IL1RAPL2: variants seen among roughly 807,000 people sequenced by gnomAD.
The protein encoded by IL1RAPL2 is interleukin 1 receptor accessory protein like 2, also known as X-linked interleukin-1 receptor accessory protein-like 2.
Under a neutral mutation model 44.1 loss-of-function variants are expected in IL1RAPL2, and 3 were observed. That is an observed-to-expected ratio of 0.07 (90% confidence interval 0.03 to 0.18). The LOEUF is 0.18. Ranked by LOEUF, IL1RAPL2 falls within the 10% of genes least tolerant of loss-of-function variation. The pLI is 1.00. For missense variants in IL1RAPL2, 391 were observed against 496.4 expected, an observed-to-expected ratio of 0.79 and a Z score of 2.02; for synonymous variants, 181 against 178.8, an observed-to-expected ratio of 1.01 and a Z score of -0.10.
At chrX:104,684,867 A>G (rs1251453112) in intron 2 of IL1RAPL2, among the ~76,000 whole-genome samples, 1 of 112,410 alleles carries the variant, frequency 8.9e-6, no homozygotes, top group African/African-American at 3.2e-5. Flanking sequence ...GATTTGCCCA[A>G]AAAGCTGTGG....
chrX:105,054,304 C>T (rs1469142929), intron 2 of IL1RAPL2, among the ~76,000 whole-genome samples: 1 of 111,487 alleles, frequency 9.0e-6, no homozygotes, highest in Non-Finnish European at 1.9e-5. Context: ...GATAGTGGCC[C>T]TAGCAAGGAT....
intron 5 of IL1RAPL2, among the ~76,000 whole-genome samples, chrX:105,461,955 T>C (rs2036095885): frequency 1.8e-5 from 2 of 111,226 alleles, no homozygotes; most frequent in Non-Finnish European, 3.8e-5. Context: ...TGAAGCACTA[T>C]GTATCTTGTT....
At chrX:104,819,554 AT>A (rs1180628448) in intron 2 of IL1RAPL2, among the ~76,000 whole-genome samples, 1 of 111,858 alleles carries the variant, frequency 8.9e-6, no homozygotes, top group Non-Finnish European at 1.9e-5. Flanking sequence ...AGGTACTTTT[AT>A]TTTAGCAACT....
intron 2 of IL1RAPL2, among the ~76,000 whole-genome samples, chrX:104,672,890 G>T (rs1215185062): frequency 8.9e-6 from 1 of 111,979 alleles, no homozygotes; most frequent in Non-Finnish European, 1.9e-5. Flanking sequence ...CTGCATAAAT[G>T]TCTTCTTTTG....
At chrX:104,695,996 C>CG (rs752209172) in intron 2 of IL1RAPL2, among the ~76,000 whole-genome samples, 9 of 110,868 alleles carry the variant, frequency 8.1e-5, no homozygotes, top group Non-Finnish European at 1.5e-4. Flanking sequence ...TTAGTAGAGA[C>CG]GGGGTTTCAC....
chrX:104,888,884 A>G (rs761984816), intron 2 of IL1RAPL2, among the ~76,000 whole-genome samples: 1 of 111,490 alleles, frequency 9.0e-6, no homozygotes, highest in Admixed American at 9.6e-5. Flanking sequence ...ACATTCTTAC[A>G]TTTCCCACCT....
chrX:105,080,172 C>G (rs563209012), intron 2 of IL1RAPL2, among the ~76,000 whole-genome samples: 16 of 112,014 alleles, frequency 1.4e-4, no homozygotes, highest in African/African-American at 4.2e-4. Flanking sequence ...TGTAGGTTGC[C>G]TGTTCACTCT....
rs922765535 is a variant in IL1RAPL2, at chrX:104,659,012, T to G, written c.82+17T>G. The G allele has an allele frequency of 8.9e-7, 1 of 1,128,363 alleles. No individual in the cohort carries two copies. Among genetic ancestry groups the G allele is most frequent in the Admixed American group, 2.2e-5 (1 of 44,513 alleles). The allele number at this position is 1,128,363 out of a possible 1,213,427, so 93.0% of individuals were successfully genotyped here. Reference sequence around the variant, plus strand: ...GAAATTCTGGTAAGTTGCTGGCAACTTGCCACTATTTGGTCAAAAATGTAC... The same window carrying G: ...GAAATTCTGGTAAGTTGCTGGCAACGTGCCACTATTTGGTCAAAAATGTAC... On this transcript the variant is annotated intron_variant, in intron 2 of 10. Transcript: ENST00000372582.
intron 5 of IL1RAPL2, among the ~76,000 whole-genome samples, chrX:105,343,468 A>G (rs1884871650): frequency 8.9e-6 from 1 of 111,919 alleles, no homozygotes; most frequent in Non-Finnish European, 1.9e-5. Context: ...TTAAAACTTA[A>G]TATTATATCA....
chrX:105,664,877 A>G (rs750090034), intron 6 of IL1RAPL2, among the ~76,000 whole-genome samples: 118 of 112,056 alleles, frequency 1.1e-3, no homozygotes, highest in African/African-American at 3.6e-3. Flanking sequence ...GCCCAAAACA[A>G]TAAACTCCTG....
intron 2 of IL1RAPL2, among the ~76,000 whole-genome samples, chrX:104,678,250 A>G (rs1009811371): frequency 8.9e-6 from 1 of 112,634 alleles, no homozygotes; most frequent in Non-Finnish European, 1.9e-5. Flanking sequence ...GTGGGATCCC[A>G]TATTTAAACT....
chrX:105,686,737 C>G (rs1331901704), intron 6 of IL1RAPL2, among the ~76,000 whole-genome samples: 1 of 111,799 alleles, frequency 8.9e-6, no homozygotes, highest in African/African-American at 3.3e-5. Flanking sequence ...TAGACATCTA[C>G]AGAACTCTCC....
intron 5 of IL1RAPL2, among the ~76,000 whole-genome samples, chrX:105,358,254 T>G (rs1157280105): frequency 1.8e-5 from 2 of 109,841 alleles, no homozygotes; most frequent in African/African-American, 3.3e-5. Context: ...ACCTTATATG[T>G]TTTTTTTCCT....
intron 2 of IL1RAPL2, among the ~76,000 whole-genome samples, chrX:104,883,777 G>T (rs1052292239): frequency 2.7e-5 from 3 of 111,482 alleles, no homozygotes; most frequent in Non-Finnish European, 5.6e-5. Flanking sequence ...TCACAGGGGG[G>T]ACTGCCTGGA....
chrX:105,487,666 C>T (rs917703014), intron 6 of IL1RAPL2, among the ~76,000 whole-genome samples: 1 of 112,058 alleles, frequency 8.9e-6, no homozygotes, highest in Non-Finnish European at 1.9e-5. Flanking sequence ...AACTCTTTCA[C>T]GGATTTATTT....
At chrX:104,571,402 C>T (rs1039643306) in intron 1 of IL1RAPL2, among the ~76,000 whole-genome samples, 10 of 111,508 alleles carry the variant, frequency 9.0e-5, no homozygotes, top group African/African-American at 2.6e-4. Flanking sequence ...GGTTTGGCTG[C>T]GTCCCCACCC....
chrX:104,646,097 T>C (rs755935226), intron 1 of IL1RAPL2, among the ~76,000 whole-genome samples: 11 of 111,988 alleles, frequency 9.8e-5, no homozygotes, highest in Non-Finnish European at 2.1e-4. Context: ...AAAGCAAGCT[T>C]ATGAAATATT....
chrX:104,667,710 C>T (rs1930511939), intron 2 of IL1RAPL2, among the ~76,000 whole-genome samples: 1 of 111,304 alleles, frequency 9.0e-6, no homozygotes, highest in South Asian at 3.8e-4. Flanking sequence ...AACTGAAGCT[C>T]AGGGAGGGTG....
intron 5 of IL1RAPL2, among the ~76,000 whole-genome samples, chrX:105,431,542 C>T (rs980995795): frequency 1.4e-4 from 16 of 111,444 alleles, no homozygotes; most frequent in African/African-American, 5.2e-4. Context: ...ATCTCCATAA[C>T]AGGATCTGAG....
Sources: gnomAD v4.1 joint callset for allele counts (sites outside exome capture counted in the v4.1 genomes callset) on GRCh38, gnomAD v4.1.1 for gene constraint, MANE v1.5 for transcripts, NCBI Gene and HGNC (gene_info 2026-07-23, HGNC 2026-07-21) for gene names.